LRPAP1: variants seen among roughly 807,000 people sequenced by gnomAD.
LRPAP1 encodes the protein alpha-2-macroglobulin receptor-associated protein.
Under a neutral mutation model 39.9 loss-of-function variants are expected in LRPAP1, and 41 were observed. The observed-to-expected ratio is 1.03, with a 90% confidence interval of 0.80 to 1.33. The LOEUF (loss-of-function observed/expected upper bound fraction) is 1.33. Ranked by LOEUF, LRPAP1 falls within the 40% of genes most tolerant of loss-of-function variation. The pLI is 0.00. For synonymous variants in LRPAP1, 263 were observed against 212.7 expected, an observed-to-expected ratio of 1.24 and a Z score of -2.06; for missense variants, 565 against 482.3, an observed-to-expected ratio of 1.17 and a Z score of -1.61.
In LRPAP1 at chr4:3,514,920, G is replaced by C. The variant is rs1306406721; in HGVS notation, c.843C>G (p.Leu281=). 6.2e-7 allele frequency: 1 copy of C among 1,613,648 alleles called. No individual in the cohort carries two copies. Among genetic ancestry groups the C allele is most frequent in the East Asian group, 2.2e-5 (1 of 44,872 alleles). The change falls in exon 7 of 8, where the codon CTC becomes CTG. Residue 281 remains leucine, a synonymous_variant. Transcript: ENST00000650182. ...TCTCGATTTTGGCTTCGAAGTGCTTGAGCTCCTCCTGGAACAAGGTTTCCA... is the reference window on the plus strand; with the variant it reads ...TCTCGATTTTGGCTTCGAAGTGCTTCAGCTCCTCCTGGAACAAGGTTTCCA... ...DKELEAFREE[L]KHFEAKIEKH...
chr4:3,514,949 G>A (rs781722193), intron 6 of LRPAP1, 21 bp from the exon 7 acceptor site: 8 of 1,611,420 alleles, frequency 5.0e-6, no homozygotes, highest in Middle Eastern at 3.3e-4. Context: ...GTTTCCATAG[G>A]TGAGTGTTCC....
At chr4:3,518,478 CCT>C (rs1230781083) in intron 4 of LRPAP1, among the ~76,000 whole-genome samples, 3 of 152,228 alleles carry the variant, frequency 2.0e-5, no homozygotes, top group African/African-American at 4.8e-5. Flanking sequence ...TGCCCTGCCC[CCT>C]CTCTGCTGGG....
intron 7 of LRPAP1, among the ~76,000 whole-genome samples, chr4:3,513,281 G>A (rs897861396): frequency 2.6e-5 from 4 of 152,208 alleles, no homozygotes; most frequent in South Asian, 2.1e-4. Flanking sequence ...GAAGTGGAAA[G>A]CTCAGGGTCT....
At chr4:3,519,336 T>C (rs958586131) in intron 3 of LRPAP1, among the ~76,000 whole-genome samples, 1 of 152,046 alleles carries the variant, frequency 6.6e-6, no homozygotes, top group African/African-American at 2.4e-5. Flanking sequence ...AAGGCCACCT[T>C]CCTAGGGGGA....
intron 2 of LRPAP1, among the ~76,000 whole-genome samples, chr4:3,522,734 C>T (rs1482878509): frequency 1.3e-5 from 2 of 149,928 alleles, no homozygotes; most frequent in Admixed American, 6.6e-5. Context: ...GGACGGACGC[C>T]GCCCCACACT....
chr4:3,531,173 C>A (rs1038110750), intron 1 of LRPAP1, among the ~76,000 whole-genome samples: 2 of 152,146 alleles, frequency 1.3e-5, no homozygotes, highest in Admixed American at 6.5e-5. Context: ...ACGCCTGGGG[C>A]TTGACTGCTG....
chr4:3,531,593 TG>T (rs1231439595), intron 1 of LRPAP1, among the ~76,000 whole-genome samples: 1 of 152,090 alleles, frequency 6.6e-6, no homozygotes, highest in Non-Finnish European at 1.5e-5. Context: ...CGAGCCACCT[TG>T]GGGGTGCCCT....
At chr4:3,522,496 G>T (rs967688458) in intron 2 of LRPAP1, among the ~76,000 whole-genome samples, 1 of 48,914 alleles carries the variant, frequency 2.0e-5, no homozygotes, top group Non-Finnish European at 4.6e-5. Flanking sequence ...GGATGAACAC[G>T]GCCCCACACT....
At chr4:3,521,871 C>T (rs552745162) in intron 2 of LRPAP1, among the ~76,000 whole-genome samples, 1 of 152,188 alleles carries the variant, frequency 6.6e-6, no homozygotes, top group Non-Finnish European at 1.5e-5. Context: ...CGCGGTGGCT[C>T]ATGCCTGTGA....
At chr4:3,526,380 G>A (rs1401883572) in intron 1 of LRPAP1, among the ~76,000 whole-genome samples, 1 of 152,160 alleles carries the variant, frequency 6.6e-6, no homozygotes, top group African/African-American at 2.4e-5. Flanking sequence ...TATGGAGTCT[G>A]TTTTCCCTTA....
rs1225255598 is a variant in LRPAP1, at chr4:3,506,126, G to A, written c.*6848C>T. Among the ~76,000 whole-genome samples, 3 of 151,944 alleles carry A rather than the reference G, an allele frequency of 2.0e-5. No homozygotes were observed. Among genetic ancestry groups the A allele is most frequent in the Non-Finnish European group, 4.4e-5 (3 of 68,000 alleles). Reference sequence around the variant, plus strand: ...TATCCATGCTGGAGAGCAATGGCACGATTTTGGCTCACTGCAAACTCTGTC... The same window carrying A: ...TATCCATGCTGGAGAGCAATGGCACAATTTTGGCTCACTGCAAACTCTGTC... On this transcript the variant is annotated 3_prime_UTR_variant, in exon 8 of 8. Coordinates refer to ENST00000650182, the MANE Select transcript of LRPAP1 (RefSeq NM_002337.4).
intron 2 of LRPAP1, 89 bp from the exon 3 acceptor site, chr4:3,520,282 C>T (rs1020712590): frequency 9.9e-5 from 139 of 1,403,192 alleles, no homozygotes; most frequent in Non-Finnish European, 1.3e-4. Context: ...GTGGGTGAGA[C>T]AGGTTTGCCT....
chr4:3,522,986 G>C (rs1729966865), intron 2 of LRPAP1, among the ~76,000 whole-genome samples: 1 of 152,182 alleles, frequency 6.6e-6, no homozygotes, highest in Admixed American at 6.5e-5. Flanking sequence ...AAGATGGCGG[G>C]GAACTGGCCA....
Position 3,524,960 on chromosome 4 carries a change from T to C in LRPAP1, c.296A>G (p.Asp99Gly). The change falls in exon 2 of 8, where the codon GAC becomes GGC. Residue 99 changes from aspartate to glycine, a missense_variant. Physicochemically the swap from Asp to Gly is moderately conservative, Grantham distance 94. Transcript: ENST00000650182. ...DELAWKKLKL[D>G]GLDEDGEKEA... Reference sequence around the variant, plus strand: ...CTTCTCCCCATCTTCGTCCAAGCCGTCAAGCTTTAGTTTCTTCCAGGCGAG... The same window carrying C: ...CTTCTCCCCATCTTCGTCCAAGCCGCCAAGCTTTAGTTTCTTCCAGGCGAG... 1 of 1,614,136 alleles carries C rather than the reference T, an allele frequency of 6.2e-7. No individual in the cohort carries two copies. The highest frequency in any genetic ancestry group is 8.5e-7 in the Non-Finnish European group (1 of 1,180,010).
chr4:3,503,764 C>G lies in LRPAP1; in HGVS notation c.*9210G>C, dbSNP rs1323359472. The G allele has an allele frequency of 1.3e-5, 2 of 152,280 alleles. No homozygotes were observed. Among genetic ancestry groups the G allele is most frequent in the Non-Finnish European group, 2.9e-5 (2 of 68,058 alleles). The allele number at this position is 152,280 out of a possible 1,614,324, so 9.4% of individuals were successfully genotyped here. On this transcript the variant is annotated 3_prime_UTR_variant, in exon 8 of 8. Transcript: ENST00000650182. ...AACAGCAGACAACAGAGATTTCCAACTCCAGCAATGACAGGCTAGGGTACC... is the reference window on the plus strand; with the variant it reads ...AACAGCAGACAACAGAGATTTCCAAGTCCAGCAATGACAGGCTAGGGTACC...
At chr4:3,525,597 A>G (rs746211278) in intron 1 of LRPAP1, among the ~76,000 whole-genome samples, 5 of 152,116 alleles carry the variant, frequency 3.3e-5, no homozygotes, top group Non-Finnish European at 5.9e-5. Flanking sequence ...CTGGAGCAGG[A>G]ATCTGTCACC....
At position 3,516,095 on chromosome 4, in the gene LRPAP1, G is replaced by A. The variant is rs925544970; in HGVS notation, c.834+21C>T. ...CTTCACCACAGGAGAGAGCTAGAAG[G>A]AGAGGGCCGTGTTTCCTTACCCGGA... is the stretch of plus-strand genomic sequence containing the variant. On this transcript the variant is annotated intron_variant, in intron 6 of 7. Coordinates refer to ENST00000650182, the MANE Select transcript of LRPAP1 (RefSeq NM_002337.4). 1.9e-6 allele frequency: 3 copies of A among 1,558,742 alleles called. No homozygotes were observed. In the African/African-American group the frequency reaches 4.1e-5, roughly 21 times the overall value.
intron 7 of LRPAP1, among the ~76,000 whole-genome samples, chr4:3,513,403 G>A (rs1229728889): frequency 6.6e-6 from 1 of 152,154 alleles, no homozygotes; most frequent in Non-Finnish European, 1.5e-5. Context: ...TGCCTCCCAG[G>A]CTCAAGTGAT....
Position 3,505,132 on chromosome 4 carries a change from G to A in LRPAP1, c.*7842C>T, listed in dbSNP as rs1225629070. 6.6e-6 allele frequency among the ~76,000 whole-genome samples: 1 copy of A among 152,198 alleles called. No individual in the cohort carries two copies. The highest frequency in any genetic ancestry group is 1.5e-5 in the Non-Finnish European group (1 of 68,028). ...GTCCTGCCACGCACGCAGCCATAGT[G>A]GGCTGGCTAAGCTGCAGGTTGTGCC... On this transcript the variant is annotated 3_prime_UTR_variant, in exon 8 of 8. Coordinates refer to ENST00000650182, the MANE Select transcript of LRPAP1 (RefSeq NM_002337.4).
Sources: allele counts gnomAD v4.1 joint callset (sites outside exome capture counted in the v4.1 genomes callset), GRCh38; gene constraint gnomAD v4.1.1; transcripts MANE v1.5; gene names NCBI Gene and HGNC (gene_info 2026-07-23, HGNC 2026-07-21).